The following HEATR3 variants were observed in gnomAD, a reference collection of about 807,000 sequenced individuals.
The protein encoded by HEATR3 is HEAT repeat-containing protein 3.
Under a neutral mutation model 72.8 loss-of-function variants are expected in HEATR3, and 56 were observed. That is an observed-to-expected ratio of 0.77 (90% CI 0.62 to 0.96). HEATR3 has a LOEUF of 0.96. Ranked by LOEUF, HEATR3 falls within the 40% of genes least tolerant of loss-of-function variation. The pLI is 0.00. For synonymous variants in HEATR3, 331 were observed against 318.1 expected (o/e 1.04, Z -0.43); for missense variants, 747 against 831.4 (o/e 0.90, Z 1.25).
intron 11 of HEATR3, 80 bp downstream of exon 11, chr16:50,086,431 T>C: frequency 7.0e-7 from 1 of 1,423,224 alleles, no homozygotes; most frequent in Non-Finnish European, 9.4e-7. Context: ...TGTAAATGTA[T>C]ATTGTTTGTC....
At chr16:50,070,067 G>T (rs1597137192) in intron 3 of HEATR3, 111 bp from the exon 4 acceptor site, 4 of 515,570 alleles carry the variant, frequency 7.8e-6, no homozygotes. Context: ...CGACTGGCTT[G>T]TTAACCACGG....
Position 50,105,514 on chromosome 16 carries a change from G to GTT in HEATR3, c.*459_*460dup, listed in dbSNP as rs2037467371. The stretch of plus-strand genomic sequence containing the variant: ...AAACCTGTCAGAAACTCTGTTGCTG[G>GTT]TTTTTTTGTGTGTGTGTTTTGTTTG... On this transcript the variant is annotated 3_prime_UTR_variant, in exon 15 of 15. Coordinates refer to ENST00000299192, the MANE Select transcript of HEATR3 (RefSeq NM_182922.4). 1 of 155,068 alleles carries GTT rather than the reference G, an allele frequency of 6.4e-6. No homozygotes were observed. The highest frequency in any genetic ancestry group is 2.4e-5 in the African/African-American group (1 of 41,356). 9.6% of individuals were successfully genotyped at this position (155,068 alleles called of 1,614,324 possible). A position where few individuals can be genotyped will look rare whatever the true frequency, so the allele number is the denominator to read the frequency against.
rs111706692 is a variant in HEATR3, at chr16:50,102,243, G to A, written c.1744-16G>A. The A allele has an allele frequency of 6.2e-7, 1 of 1,606,528 alleles. No homozygotes were observed. The highest frequency in any genetic ancestry group is 8.5e-7 in the Non-Finnish European group (1 of 1,177,314). On this transcript the variant is annotated splice_polypyrimidine_tract_variant and intron_variant, in intron 13 of 14. Coordinates refer to ENST00000299192, the MANE Select transcript of HEATR3 (RefSeq NM_182922.4). Reference sequence around the variant, plus strand: ...GACTGGTGTTAGTCATACTAAATGTGTTTTGTTGTTTCCAGAACATTGGGT... The same window carrying A: ...GACTGGTGTTAGTCATACTAAATGTATTTTGTTGTTTCCAGAACATTGGGT...
chr16:50,084,449 A>G, intron 9 of HEATR3, 120 bp from the exon 10 acceptor site: 1 of 1,137,892 alleles, frequency 8.8e-7, no homozygotes, highest in South Asian at 1.5e-5. Context: ...AATAGGCGAA[A>G]AGGTCATTCT....
chr16:50,091,445 C>T (rs867345508), intron 11 of HEATR3, among the ~76,000 whole-genome samples: 8 of 151,494 alleles, frequency 5.3e-5, no homozygotes, highest in African/African-American at 1.7e-4. Context: ...CCAGCCTGAG[C>T]GACAGAGTGA....
chr16:50,101,354 G>A (rs533405853), intron 13 of HEATR3, among the ~76,000 whole-genome samples: 127 of 152,134 alleles, frequency 8.3e-4, no homozygotes, highest in South Asian at 4.8e-3. Context: ...GGGCTCAAGC[G>A]ATCTACCTAC....
In HEATR3 at chr16:50,104,737, C is replaced by A. The variant is rs545562642; in HGVS notation, c.1921-202C>A. Among the ~76,000 whole-genome samples, 15 of 152,284 alleles carry A rather than the reference C, an allele frequency of 9.9e-5. No individual in the cohort carries two copies. In the East Asian group the frequency reaches 2.9e-3, roughly 29 times the overall value. ...ACCTGCCATTCAGTCACCTTTGTAA[C>A]TATCATTTTTAATAATGCACATTCT... is the stretch of plus-strand genomic sequence containing the variant. On this transcript the variant is annotated intron_variant, in intron 14 of 14. Coordinates refer to ENST00000299192, the MANE Select transcript of HEATR3 (RefSeq NM_182922.4).
rs2356844 is a variant in HEATR3 at position 50,105,254 on chromosome 16, C to T, written c.*193C>T. 7.9e-6 allele frequency: 4 copies of T among 503,868 alleles called. No homozygotes were observed. The highest frequency in any genetic ancestry group is 1.4e-5 in the Non-Finnish European group (4 of 294,616). 31.2% of individuals were successfully genotyped at this position (503,868 alleles called of 1,614,324 possible). A position where few individuals can be genotyped will look rare whatever the true frequency, so the allele number is the denominator to read the frequency against. On this transcript the variant is annotated 3_prime_UTR_variant, in exon 15 of 15. Coordinates refer to ENST00000299192, the MANE Select transcript of HEATR3 (RefSeq NM_182922.4). ...ATCCCAGCACCTTGGGAGACCGAGG[C>T]GGGTGGATCACTTGAGGTCAGGAGT...
At position 50,066,289 on chromosome 16, in the gene HEATR3, G is replaced by C. The variant is rs779211854; in HGVS notation, c.138+20G>C. ...GAAAAGGTGAGGCGAGGGCTCCGTC[G>C]GGCCGGGAGGCGAGACGAGGTTGCC... On this transcript the variant is annotated intron_variant, in intron 1 of 14. Transcript: ENST00000299192. The C allele has an allele frequency of 1.3e-6, 2 of 1,576,766 alleles. No homozygotes were observed. The highest frequency in any genetic ancestry group is 2.3e-5 in the South Asian group (2 of 87,724).
At chr16:50,068,428 C>T (rs1379569326) in intron 2 of HEATR3, among the ~76,000 whole-genome samples, 3 of 152,188 alleles carry the variant, frequency 2.0e-5, no homozygotes, top group Non-Finnish European at 4.4e-5. Context: ...GTGTGAGCCA[C>T]AGCACCTAGC....
Position 50,065,989 on chromosome 16 carries a change from T to A in HEATR3, c.-143T>A. ...CCCGGCAGACGACGCGCCGTGCGCCTGCGCACGGCTTGCCCATGTGTGCTG... is the reference window on the plus strand; with the variant it reads ...CCCGGCAGACGACGCGCCGTGCGCCAGCGCACGGCTTGCCCATGTGTGCTG... On this transcript the variant is annotated 5_prime_UTR_variant, in exon 1 of 15. Coordinates refer to ENST00000299192, the MANE Select transcript of HEATR3 (RefSeq NM_182922.4). The A allele has an allele frequency of 3.5e-6, 1 of 284,806 alleles. No individual in the cohort carries two copies. Among genetic ancestry groups the A allele is most frequent in the South Asian group, 3.8e-5 (1 of 26,256 alleles). 17.6% of individuals were successfully genotyped at this position (284,806 alleles called of 1,614,324 possible).
At chr16:50,078,274 C>CT (rs2036785382) in intron 6 of HEATR3, among the ~76,000 whole-genome samples, 1 of 152,214 alleles carries the variant, frequency 6.6e-6, no homozygotes, top group Non-Finnish European at 1.5e-5. Flanking sequence ...AAAAATTACT[C>CT]TGACTACTTA....
chr16:50,071,734 A>G (rs2036616556), intron 4 of HEATR3, among the ~76,000 whole-genome samples: 1 of 152,214 alleles, frequency 6.6e-6, no homozygotes. Flanking sequence ...ATTTTTCATT[A>G]CATAACAGAT....
At chr16:50,068,004 CT>C (rs2036535729) in intron 2 of HEATR3, among the ~76,000 whole-genome samples, 1 of 151,974 alleles carries the variant, frequency 6.6e-6, no homozygotes, top group Non-Finnish European at 1.5e-5. Flanking sequence ...GTGAGTGGTG[CT>C]TGAGGTGAGC....
At chr16:50,076,394 G>A (rs1189874435) in intron 6 of HEATR3, among the ~76,000 whole-genome samples, 2 of 151,998 alleles carry the variant, frequency 1.3e-5, no homozygotes, top group Admixed American at 6.6e-5. Flanking sequence ...TACCATGTTG[G>A]CCAGGCTGGT....
intron 4 of HEATR3, among the ~76,000 whole-genome samples, chr16:50,071,078 G>A (rs146128048): frequency 6.6e-6 from 1 of 152,306 alleles, no homozygotes; most frequent in African/African-American, 2.4e-5. Flanking sequence ...CCAGGAGGAA[G>A]AAGGCCACTC....
Position 50,100,225 on chromosome 16 carries a change from A to AACAG in HEATR3, c.1600-4_1600-1dup. The AACAG allele has an allele frequency of 6.2e-7, 1 of 1,611,130 alleles. No individual in the cohort carries two copies. The highest frequency in any genetic ancestry group is 8.5e-7 in the Non-Finnish European group (1 of 1,178,924). ...TATAAATACTGTCCTCTTCTCTTTT[A>AACAG]ACAGTGCATGACTCCTGATCAGCTG... is the stretch of plus-strand genomic sequence containing the variant. On this transcript the variant is annotated splice_polypyrimidine_tract_variant and splice_region_variant and intron_variant, in intron 12 of 14. Transcript: ENST00000299192.
chr16:50,079,051 A>G, intron 7 of HEATR3, 33 bp downstream of exon 7: 1 of 1,451,616 alleles, frequency 6.9e-7, no homozygotes, highest in East Asian at 2.5e-5. Context: ...AATATGGATT[A>G]ATACAGCTGT....
intron 12 of HEATR3, among the ~76,000 whole-genome samples, chr16:50,096,257 G>A (rs1167835571): frequency 2.1e-5 from 3 of 143,714 alleles, no homozygotes; most frequent in African/African-American, 2.6e-5. Flanking sequence ...CCTGGGAGGC[G>A]GAAGTTGCAG....
Sources: gnomAD v4.1 joint callset for allele counts (sites outside exome capture counted in the v4.1 genomes callset) on GRCh38, gnomAD v4.1.1 for gene constraint, MANE v1.5 for transcripts, NCBI Gene and HGNC (gene_info 2026-07-23, HGNC 2026-07-21) for gene names.